SHANK2: variants seen among roughly 807,000 people sequenced by gnomAD.
SHANK2 encodes SH3 and multiple ankyrin repeat domains 2.
In SHANK2, 43 loss-of-function variants were observed where a neutral mutation model predicts 133.7. The observed-to-expected ratio is 0.32, with a 90% confidence interval of 0.25 to 0.41. The LOEUF (loss-of-function observed/expected upper bound fraction) is 0.41, where lower values mean the gene tolerates loss of function less well. Ranked by LOEUF, SHANK2 falls within the 10% of genes least tolerant of loss-of-function variation. The pLI, the probability that SHANK2 is intolerant of heterozygous loss-of-function variation, is 1.00. For synonymous variants in SHANK2, 1,017 were observed against 952.8 expected, an observed-to-expected ratio of 1.07 and a Z score of -1.24; for missense variants, 1,994 against 2,235.8, an observed-to-expected ratio of 0.89 and a Z score of 2.18.
intron 25 of SHANK2, among the ~76,000 whole-genome samples, chr11:70,476,439 C>T (rs1464853333): frequency 1.3e-5 from 2 of 152,172 alleles, no homozygotes; most frequent in African/African-American, 4.8e-5. Flanking sequence ...AGACCAGCTC[C>T]AGTTCCAACT....
intron 6 of SHANK2, among the ~76,000 whole-genome samples, chr11:71,102,834 G>A (rs2135173823): frequency 6.6e-6 from 1 of 152,366 alleles, no homozygotes; most frequent in South Asian, 2.1e-4. Context: ...CTCAGTGACT[G>A]GCCCAGACTG....
chr11:70,906,537 C>T (rs549982875), intron 10 of SHANK2, among the ~76,000 whole-genome samples: 7 of 152,314 alleles, frequency 4.6e-5, no homozygotes, highest in South Asian at 2.1e-4. Context: ...ATGTGCCTCC[C>T]GACACAGAGA....
intron 17 of SHANK2, among the ~76,000 whole-genome samples, chr11:70,539,069 T>C (rs917902161): frequency 6.6e-5 from 10 of 152,018 alleles, no homozygotes; most frequent in Non-Finnish European, 1.5e-5. Context: ...TTATGCAGAG[T>C]TCTAACAGGG....
At chr11:71,184,443 T>C (rs1953631365) in intron 2 of SHANK2, among the ~76,000 whole-genome samples, 1 of 152,174 alleles carries the variant, frequency 6.6e-6, no homozygotes, top group African/African-American at 2.4e-5. Flanking sequence ...GATTCAGAGT[T>C]TGCCCCTGAA....
intron 1 of SHANK2, among the ~76,000 whole-genome samples, chr11:71,250,677 A>G (rs1555125694): frequency 1.3e-5 from 2 of 152,048 alleles, no homozygotes; most frequent in East Asian, 3.9e-4. Context: ...GACCTGCTGA[A>G]CCCTCTGGGG....
At chr11:71,219,399 A>G (rs1555120666) in intron 2 of SHANK2, among the ~76,000 whole-genome samples, 1 of 152,232 alleles carries the variant, frequency 6.6e-6, no homozygotes, top group African/African-American at 2.4e-5. Context: ...TCTAGCATAT[A>G]TCAAGAACTC....
chr11:70,836,514 C>G (rs567962413), intron 11 of SHANK2, among the ~76,000 whole-genome samples: 1 of 152,340 alleles, frequency 6.6e-6, no homozygotes, highest in Admixed American at 6.5e-5. Context: ...AGGCCTGGAC[C>G]TCTACATCGT....
At chr11:71,209,223 G>A (rs1328380141) in intron 2 of SHANK2, among the ~76,000 whole-genome samples, 1 of 152,188 alleles carries the variant, frequency 6.6e-6, no homozygotes, top group African/African-American at 2.4e-5. Context: ...GATAAATGTC[G>A]CTCTGGGTGA....
At chr11:70,690,488 G>GT (rs35737323) in intron 15 of SHANK2, among the ~76,000 whole-genome samples, 2,231 of 32,766 alleles carry the variant, frequency 0.068, 634 homozygotes, top group East Asian at 0.15. Flanking sequence ...TACTTCCCAT[G>GT]TTTTTTTTTT....
chr11:70,472,559 C>A lies in SHANK2; in HGVS notation c.*310G>T. On this transcript the variant is annotated 3_prime_UTR_variant, in exon 26 of 26. Coordinates refer to ENST00000601538, the MANE Select transcript of SHANK2 (RefSeq NM_012309.5). This position sits in a 1 kb window ranked among gnomAD's most constrained non-coding sequence, Gnocchi z 4.4. ...GATCCCGTGCAAAATTGACGGGGAGCCTCTCGGACCCGGCAAAGCGAGGCC... is the reference window on the plus strand; with the variant it reads ...GATCCCGTGCAAAATTGACGGGGAGACTCTCGGACCCGGCAAAGCGAGGCC... The A allele has an allele frequency of 2.4e-6, 1 of 425,064 alleles. No individual in the cohort carries two copies. The highest frequency in any genetic ancestry group is 4.4e-6 in the Non-Finnish European group (1 of 227,690). The allele number at this position is 425,064 out of a possible 1,614,324, so 26.3% of individuals were successfully genotyped here. A position where few individuals can be genotyped will look rare whatever the true frequency, so the allele number is the denominator to read the frequency against.
chr11:70,931,412 G>A (rs1555082479), intron 10 of SHANK2, among the ~76,000 whole-genome samples: 1 of 152,182 alleles, frequency 6.6e-6, no homozygotes, highest in African/African-American at 2.4e-5. Flanking sequence ...CAAAGCACTG[G>A]GAAACCAGCA....
At chr11:70,747,900 C>G (rs1038039597) in intron 14 of SHANK2, among the ~76,000 whole-genome samples, 1 of 152,122 alleles carries the variant, frequency 6.6e-6, no homozygotes, top group Non-Finnish European at 1.5e-5. Flanking sequence ...ATAGCACACA[C>G]ATGAGCATAC....
At chr11:70,911,210 G>A (rs370198811) in intron 10 of SHANK2, 4 of 456,028 alleles carry the variant, frequency 8.8e-6, no homozygotes, top group African/African-American at 8.0e-5. Flanking sequence ...GAGTTTTTTT[G>A]TTGTTGTTGT....
At chr11:70,932,984 C>G (rs1950522762) in intron 10 of SHANK2, among the ~76,000 whole-genome samples, 1 of 152,156 alleles carries the variant, frequency 6.6e-6, no homozygotes, top group South Asian at 2.1e-4. Context: ...AAATAGAATT[C>G]CTATATGACC....
chr11:70,910,957 C>T (rs1241198585), intron 10 of SHANK2: 15 of 456,544 alleles, frequency 3.3e-5, no homozygotes, highest in African/African-American at 2.8e-4. Context: ...GCACATAATT[C>T]GATTTTTGCT....
At chr11:70,927,391 G>A (rs1472419166) in intron 10 of SHANK2, among the ~76,000 whole-genome samples, 5 of 152,078 alleles carry the variant, frequency 3.3e-5, no homozygotes, top group Admixed American at 6.6e-5. Flanking sequence ...CTGGTGTGAC[G>A]GACTTGAGAG....
chr11:71,063,028 A>AAGAGAGAAAGAGAAAG (rs1951006824), intron 9 of SHANK2, among the ~76,000 whole-genome samples: 1 of 150,184 alleles, frequency 6.7e-6, no homozygotes, highest in Non-Finnish European at 1.5e-5. Context: ...GATAGAGAGT[A>AAGAGAGAAAGAGAAAG]AGAGAGAAAG....
intron 11 of SHANK2, among the ~76,000 whole-genome samples, chr11:70,875,413 T>C (rs1196731915): frequency 1.3e-5 from 2 of 151,768 alleles, no homozygotes; most frequent in Admixed American, 6.6e-5. Flanking sequence ...TAGTCCCAGC[T>C]ACTCAGGAGG....
At chr11:70,901,350 G>A (rs555585833) in intron 10 of SHANK2, among the ~76,000 whole-genome samples, 10 of 152,240 alleles carry the variant, frequency 6.6e-5, no homozygotes, top group South Asian at 2.1e-4. Flanking sequence ...AATTATTCTC[G>A]AGGGTTATGA....
Sources: allele counts gnomAD v4.1 joint callset (sites outside exome capture counted in the v4.1 genomes callset), GRCh38; gene constraint gnomAD v4.1.1; non-coding constraint Gnocchi (gnomAD v3.1); transcripts MANE v1.5; gene names NCBI Gene and HGNC (gene_info 2026-07-23, HGNC 2026-07-21).